The following NFAT5 variants were observed in gnomAD, a reference collection of about 807,000 sequenced individuals.
NFAT5 encodes the protein nuclear factor of activated T-cells 5.
Under a neutral mutation model 166.5 loss-of-function variants are expected in NFAT5, and 31 were observed. The observed-to-expected ratio is 0.19, with a 90% CI of 0.14 to 0.25. The LOEUF (loss-of-function observed/expected upper bound fraction) is 0.25, where lower values mean the gene tolerates loss of function less well. NFAT5 is among the 10% of genes least tolerant of loss of function. The pLI is 1.00. For synonymous variants in NFAT5, 612 were observed against 639.7 expected (o/e 0.96, Z 0.65); for missense variants, 1,449 against 1,821.8 (o/e 0.80, Z 3.72).
rs1445100349 is a variant in NFAT5, at chr16:69,641,272, C to T, written c.254-5756C>T. ...CAGCCTGGGCAACAGAGTGAGACTC[C>T]GTCTCAAAAAAAAAAAAAAAAAAAA... is the stretch of plus-strand genomic sequence containing the variant. On this transcript the variant is annotated intron_variant, in intron 3 of 14. Coordinates refer to ENST00000349945, the MANE Select transcript of NFAT5 (RefSeq NM_138713.4). Among the ~76,000 whole-genome samples the T allele has an allele frequency of 3.7e-4, 42 of 113,406 alleles. 2 individuals are homozygous for T. The highest frequency in any genetic ancestry group is 7.9e-4 in the African/African-American group (20 of 25,348). The allele number at this position is 113,406 out of a possible 152,430, so 74.4% of individuals were successfully genotyped here.
In NFAT5 at chr16:69,692,414, G is replaced by A. The variant is rs1391814950; in HGVS notation, c.2589G>A (p.Met863Ile). The change falls in exon 13 of 15, where the codon ATG (methionine) becomes ATA (isoleucine). Residue 863 changes from methionine (M) to isoleucine (I), a missense_variant. Physicochemically the swap from Met to Ile is conservative, Grantham distance 10 (BLOSUM62 1). Coordinates refer to ENST00000349945, the MANE Select transcript of NFAT5 (RefSeq NM_138713.4). The part of the protein sequence containing the change: ...SQIQSGVSPG[M>I]FSSTEPTVHT... ...TTCAGAGTGGTGTAAGCCCTGGAAT[G>A]TTTTCCTCAACAGAGCCAACAGTCC... is the stretch of plus-strand genomic sequence containing the variant. 4 of 1,614,066 alleles carry A rather than the reference G, an allele frequency of 2.5e-6. No homozygotes were observed. Among genetic ancestry groups the A allele is most frequent in the Non-Finnish European group, 3.4e-6 (4 of 1,180,038 alleles).
In NFAT5 at chr16:69,626,088, T is replaced by C. The variant is rs2034444983; in HGVS notation, c.128-315T>C. Among the ~76,000 whole-genome samples the C allele has an allele frequency of 2.7e-5, 4 of 148,846 alleles. No homozygotes were observed. The South Asian group carries it at 8.5e-4, about 32-fold the overall frequency. On this transcript the variant is annotated intron_variant, in intron 2 of 14. Coordinates refer to ENST00000349945, the MANE Select transcript of NFAT5 (RefSeq NM_138713.4). ...CCTCCCAAATAGTTGGGACTGTAGG[T>C]GTGCATCACCACGCCTGGCTGATTA... is the stretch of plus-strand genomic sequence containing the variant.
chr16:69,593,527 C>G (rs2032605135), intron 2 of NFAT5, among the ~76,000 whole-genome samples: 1 of 151,236 alleles, frequency 6.6e-6, no homozygotes, highest in Admixed American at 6.6e-5. Context: ...GTTGCCCAGG[C>G]GTGTCTCAAA....
At chr16:69,578,302 C>G (rs1276753083) in intron 2 of NFAT5, among the ~76,000 whole-genome samples, 1 of 152,118 alleles carries the variant, frequency 6.6e-6, no homozygotes, top group Non-Finnish European at 1.5e-5. Flanking sequence ...AAGGTGAAAA[C>G]AGAATATGAG....
At chr16:69,639,641 C>T (rs1193362473) in intron 3 of NFAT5, among the ~76,000 whole-genome samples, 4 of 151,866 alleles carry the variant, frequency 2.6e-5, no homozygotes, top group Non-Finnish European at 5.9e-5. Flanking sequence ...AAATTGGTAT[C>T]CTTTTTAAGG....
chr16:69,641,141 G>T (rs1010947903), intron 3 of NFAT5, among the ~76,000 whole-genome samples: 5 of 151,400 alleles, frequency 3.3e-5, no homozygotes, highest in Middle Eastern at 3.4e-3. Context: ...AGCCAGGTGT[G>T]GTGGCGGGCA....
chr16:69,685,064 T>C (rs931007837), intron 11 of NFAT5, 94 bp downstream of exon 11: 9 of 697,908 alleles, frequency 1.3e-5, no homozygotes, highest in Middle Eastern at 3.0e-4. Flanking sequence ...TAGGTACTTA[T>C]AATACTTTGC....
At chr16:69,582,457 C>T (rs186414996) in intron 2 of NFAT5, among the ~76,000 whole-genome samples, 1 of 151,650 alleles carries the variant, frequency 6.6e-6, no homozygotes, top group Admixed American at 6.6e-5. Context: ...AGAGGTATAC[C>T]TATGTTTTTT....
At chr16:69,631,241 G>A (rs938555218) in intron 3 of NFAT5, among the ~76,000 whole-genome samples, 7 of 152,090 alleles carry the variant, frequency 4.6e-5, no homozygotes, top group African/African-American at 1.7e-4. Context: ...GACCAGCCTG[G>A]CCAAGATGGT....
Position 69,693,940 on chromosome 16 carries a change from GCT to G in NFAT5, c.4119_4120del (p.Pro1374SerfsTer10). ...TCATCACAGACCCCCTTGTTCCATA[GCT>G]CTCCTCAGATTCAGTTGGTACAAGG... On this transcript the variant is annotated frameshift_variant, in exon 13 of 15. Transcript: ENST00000349945. LOFTEE classifies it high-confidence loss of function. 1 of 1,614,164 alleles carries G rather than the reference GCT, an allele frequency of 6.2e-7. No homozygotes were observed. Among genetic ancestry groups the G allele is most frequent in the Non-Finnish European group, 8.5e-7 (1 of 1,180,032 alleles).
At position 69,566,069 on chromosome 16, in the gene NFAT5, G is replaced by C; in HGVS notation, c.-233G>C. 1.9e-6 allele frequency: 1 copy of C among 517,838 alleles called. No individual in the cohort carries two copies. Among genetic ancestry groups the C allele is most frequent in the Non-Finnish European group, 3.4e-6 (1 of 295,740 alleles). 32.1% of individuals were successfully genotyped at this position (517,838 alleles called of 1,614,324 possible). On this transcript the variant is annotated 5_prime_UTR_variant, in exon 1 of 15. Transcript: ENST00000349945. The surrounding 1 kb of genome is among the most constrained non-coding windows in gnomAD (Gnocchi z 5.7). ...TCTCCCCCTTCCCCTTCCCCGTCCT[G>C]AACCCCTCTCCTGGTCACCGAGAAT... is the stretch of plus-strand genomic sequence containing the variant.
chr16:69,635,440 A>T (rs903417116), intron 3 of NFAT5, among the ~76,000 whole-genome samples: 9 of 151,984 alleles, frequency 5.9e-5, no homozygotes, highest in African/African-American at 2.2e-4. Flanking sequence ...ACCAGTCAAG[A>T]TGTATATATA....
chr16:69,587,939 GCTTT>G (rs2032190067), intron 2 of NFAT5, among the ~76,000 whole-genome samples: 1 of 128,426 alleles, frequency 7.8e-6, no homozygotes, highest in African/African-American at 2.9e-5. Flanking sequence ...AATTTATAGT[GCTTT>G]CTTTTTTTTT....
rs1383536636 is a variant in NFAT5 at position 69,695,336 on chromosome 16, C to T, written c.4615C>T (p.Gln1539Ter). ...AAAGATTGATTTGCTTGTTTCATTG[C>T]AAAACCAAGGGAACAACTTGACTGG... ...IEKIDLLVSL[Q>*]NQGNNLTGSF Residue 1539 changes from glutamine to a stop codon, truncating the protein, a stop_gained, in exon 14 of 15, where the codon CAA becomes TAA. Transcript: ENST00000349945. LOFTEE classifies it high-confidence loss of function. The T allele has an allele frequency of 6.2e-7, 1 of 1,613,980 alleles. No individual in the cohort carries two copies. The highest frequency in any genetic ancestry group is 8.5e-7 in the Non-Finnish European group (1 of 1,179,958).
chr16:69,625,960 A>T (rs899787516), intron 2 of NFAT5, among the ~76,000 whole-genome samples: 25 of 150,286 alleles, frequency 1.7e-4, no homozygotes, highest in African/African-American at 3.4e-4. Context: ...AAAATAAAAA[A>T]ATTTTTTTTT....
intron 2 of NFAT5, among the ~76,000 whole-genome samples, chr16:69,580,710 C>T (rs567568818): frequency 6.6e-6 from 1 of 152,234 alleles, no homozygotes; most frequent in African/African-American, 2.4e-5. Context: ...GGCTGGTGTG[C>T]AGTGGCATGA....
chr16:69,572,625 A>G (rs1428170126), intron 2 of NFAT5, among the ~76,000 whole-genome samples: 1 of 152,168 alleles, frequency 6.6e-6, no homozygotes, highest in African/African-American at 2.4e-5. Flanking sequence ...AAACTGAATG[A>G]ATCATTCTAG....
chr16:69,680,837 G>A (rs1466593549), intron 10 of NFAT5, among the ~76,000 whole-genome samples: 1 of 151,976 alleles, frequency 6.6e-6, no homozygotes, highest in Non-Finnish European at 1.5e-5. Flanking sequence ...TCGGCTCACT[G>A]CAACCTCCAC....
At chr16:69,635,023 G>GTTT (rs530661389) in intron 3 of NFAT5, among the ~76,000 whole-genome samples, 56 of 105,262 alleles carry the variant, frequency 5.3e-4, no homozygotes, top group Non-Finnish European at 7.6e-4. Flanking sequence ...TGTTAGTAAA[G>GTTT]TTTTTTTTTT....
Sources: gnomAD v4.1 joint callset for allele counts (sites outside exome capture counted in the v4.1 genomes callset) on GRCh38, gnomAD v4.1.1 for gene constraint, Gnocchi (gnomAD v3.1) non-coding constraint, MANE v1.5 for transcripts, NCBI Gene and HGNC (gene_info 2026-07-23, HGNC 2026-07-21) for gene names.